ALOX5: variants seen among roughly 807,000 people sequenced by gnomAD.
ALOX5 encodes the protein arachidonate 5-lipoxygenase, also known as polyunsaturated fatty acid 5-lipoxygenase.
Under a neutral mutation model 87.9 loss-of-function variants are expected in ALOX5, and 64 were observed. That is an observed-to-expected ratio of 0.73 (90% CI 0.60 to 0.90). ALOX5 has a LOEUF of 0.90. ALOX5 is among the 40% of genes least tolerant of loss of function. The pLI is 0.00. For synonymous variants in ALOX5, 388 were observed against 355.1 expected, an observed-to-expected ratio of 1.09 and a Z score of -1.04; for missense variants, 822 against 907.5, an observed-to-expected ratio of 0.91 and a Z score of 1.21.
At chr10:45,395,364 A>C (rs1454736864) in intron 2 of ALOX5, among the ~76,000 whole-genome samples, 4 of 152,160 alleles carry the variant, frequency 2.6e-5, no homozygotes, top group East Asian at 3.9e-4. Context: ...GGACAAAAAA[A>C]CAAACACTAC....
chr10:45,397,097 A>G (rs1397422288), intron 3 of ALOX5, among the ~76,000 whole-genome samples: 1 of 152,232 alleles, frequency 6.6e-6, no homozygotes, highest in Admixed American at 6.5e-5. Context: ...AAAATTCACA[A>G]TTAGGCTGGG....
chr10:45,426,774 C>CGCGA (rs1297598663), intron 6 of ALOX5, among the ~76,000 whole-genome samples: 3 of 152,198 alleles, frequency 2.0e-5, no homozygotes, highest in Admixed American at 1.3e-4. Context: ...GTCTCTCTCT[C>CGCGA]GCTCCATGTC....
chr10:45,381,184 C>T (rs541872799), intron 1 of ALOX5, among the ~76,000 whole-genome samples: 57 of 152,342 alleles, frequency 3.7e-4, no homozygotes, highest in African/African-American at 1.2e-3. Flanking sequence ...TGGGCAGCTG[C>T]GCTGTACACA....
intron 7 of ALOX5, among the ~76,000 whole-genome samples, chr10:45,433,634 A>G (rs1437909031): frequency 4.6e-5 from 7 of 152,132 alleles, no homozygotes; most frequent in Non-Finnish European, 8.8e-5. Context: ...GAGGGTACAC[A>G]TTGGTTTTGG....
At chr10:45,412,708 G>C (rs1841110260) in intron 4 of ALOX5, among the ~76,000 whole-genome samples, 1 of 152,138 alleles carries the variant, frequency 6.6e-6, no homozygotes, top group African/African-American at 2.4e-5. Flanking sequence ...CTGATCCCAG[G>C]ACATATGTCC....
chr10:45,385,236 TACTC>T lies in ALOX5; in HGVS notation c.349+2558_349+2561del, dbSNP rs1839970847. Among the ~76,000 whole-genome samples, 7 of 152,292 alleles carry T rather than the reference TACTC, an allele frequency of 4.6e-5. No homozygotes were observed. The South Asian group carries it at 1.5e-3, about 32-fold the overall frequency. Reference sequence around the variant, plus strand: ...GGGGCCAGCCTACAAGTGATTCAATTACTCACCATATGATCACCCCTTAAATCTA... The same window carrying T: ...GGGGCCAGCCTACAAGTGATTCAATTACCATATGATCACCCCTTAAATCTA... On this transcript the variant is annotated intron_variant, in intron 2 of 13. Coordinates refer to ENST00000374391, the MANE Select transcript of ALOX5 (RefSeq NM_000698.5).
intron 2 of ALOX5, among the ~76,000 whole-genome samples, chr10:45,393,792 G>T (rs1404391038): frequency 6.6e-6 from 1 of 152,176 alleles, no homozygotes; most frequent in African/African-American, 2.4e-5. Flanking sequence ...AGAATCACAA[G>T]CATTCTTATA....
chr10:45,436,049 G>C (rs1056334611), intron 7 of ALOX5, among the ~76,000 whole-genome samples: 1 of 152,138 alleles, frequency 6.6e-6, no homozygotes, highest in South Asian at 2.1e-4. Context: ...TCATATGTTT[G>C]TTGGCCACTT....
At chr10:45,418,635 C>CTTACT (rs1841388055) in intron 4 of ALOX5, among the ~76,000 whole-genome samples, 1 of 152,164 alleles carries the variant, frequency 6.6e-6, no homozygotes, top group South Asian at 2.1e-4. Flanking sequence ...CTGACCAGGT[C>CTTACT]TTACTGGGCC....
intron 3 of ALOX5, among the ~76,000 whole-genome samples, chr10:45,407,697 G>T (rs542582793): frequency 6.6e-6 from 1 of 152,282 alleles, no homozygotes; most frequent in South Asian, 2.1e-4. Context: ...GAGGAAAAAT[G>T]CAGGGAGTCT....
intron 4 of ALOX5, among the ~76,000 whole-genome samples, chr10:45,415,964 A>C (rs1841276483): frequency 1.3e-5 from 2 of 152,128 alleles, no homozygotes; most frequent in African/African-American, 4.8e-5. Context: ...TTACACCTAG[A>C]ATCCTCTGAG....
intron 7 of ALOX5, among the ~76,000 whole-genome samples, chr10:45,431,642 G>A (rs958609582): frequency 6.6e-6 from 1 of 151,682 alleles, no homozygotes; most frequent in East Asian, 1.9e-4. Flanking sequence ...GCGTGATCTC[G>A]GCTCACTGCA....
In ALOX5 at chr10:45,441,359, G is replaced by A. The variant is rs755046400; in HGVS notation, c.1201G>A (p.Val401Met). ...CCCTCCCCAGCTGCTGGTGGCACAC[G>A]TGAGATTCACCATTGCAATCAACAC... is the stretch of plus-strand genomic sequence containing the variant. ...HPIFKLLVAHVRFTIAINTKA... is the reference protein window; with the variant it reads ...HPIFKLLVAHMRFTIAINTKA... Residue 401 changes from valine to methionine, a missense_variant, in exon 9 of 14, where the codon GTG becomes ATG. Transcript: ENST00000374391. The A allele has an allele frequency of 3.1e-5, 50 of 1,613,498 alleles. No homozygotes were observed. Among genetic ancestry groups the A allele is most frequent in the East Asian group, 6.7e-5 (3 of 44,876 alleles).
At chr10:45,375,603 A>T (rs1442711500) in intron 1 of ALOX5, among the ~76,000 whole-genome samples, 1 of 152,182 alleles carries the variant, frequency 6.6e-6, no homozygotes, top group Non-Finnish European at 1.5e-5. Context: ...TCAACTGATT[A>T]CTCTTGGATA....
intron 4 of ALOX5, among the ~76,000 whole-genome samples, chr10:45,420,082 T>C (rs756592075): frequency 6.6e-6 from 1 of 152,168 alleles, no homozygotes; most frequent in Non-Finnish European, 1.5e-5. Flanking sequence ...AGGAACCACT[T>C]TTCCTGTGAC....
chr10:45,444,656 C>T (rs1179998081), intron 13 of ALOX5: 3 of 247,240 alleles, frequency 1.2e-5, no homozygotes, highest in Admixed American at 1.1e-4. Context: ...CTCATTTAAC[C>T]TAACAACTGA....
At chr10:45,432,028 TG>T (rs200992960) in intron 7 of ALOX5, among the ~76,000 whole-genome samples, 1,569 of 151,640 alleles carry the variant, frequency 0.01, 28 homozygotes, top group African/African-American at 0.036. Flanking sequence ...TCTTTCTTGG[TG>T]GGGGTGTGGT....
chr10:45,442,179 G>T (rs899278271), intron 9 of ALOX5, among the ~76,000 whole-genome samples: 1 of 152,166 alleles, frequency 6.6e-6, no homozygotes, highest in Non-Finnish European at 1.5e-5. Context: ...ATGCCCCAGG[G>T]TGCATGCACA....
rs369592430 is a variant in ALOX5, at chr10:45,426,740, A to G, written c.834+1608A>G. On this transcript the variant is annotated intron_variant, in intron 6 of 13. Coordinates refer to ENST00000374391, the MANE Select transcript of ALOX5 (RefSeq NM_000698.5). ...AAGCAATGCTAACTCATTTGGGACC[A>G]GGGCTCAGATCATCCCCTGCACTGT... is the stretch of plus-strand genomic sequence containing the variant. Among the ~76,000 whole-genome samples the G allele has an allele frequency of 3.4e-4, 52 of 152,360 alleles. No homozygotes were observed. In the South Asian group the frequency reaches 0.011, roughly 31 times the overall value.
Sources: gnomAD v4.1 joint callset for allele counts (sites outside exome capture counted in the v4.1 genomes callset) on GRCh38, gnomAD v4.1.1 for gene constraint, MANE v1.5 for transcripts, NCBI Gene and HGNC (gene_info 2026-07-23, HGNC 2026-07-21) for gene names.